The following TMEM132C variants were observed in gnomAD, a reference collection of about 807,000 sequenced individuals.
TMEM132C encodes protein phosphatase 1, regulatory subunit 152.
TMEM132C carries 29 observed loss-of-function variants against 61.4 expected under a neutral mutation model. That is an observed-to-expected ratio of 0.47 (90% CI 0.35 to 0.64). The LOEUF (loss-of-function observed/expected upper bound fraction) is 0.64. Ranked by LOEUF, TMEM132C falls within the 30% of genes least tolerant of loss-of-function variation. The probability of loss-of-function intolerance (pLI) is 0.00; values close to 1 mark genes in which losing one functional copy is unlikely to be tolerated. For missense variants in TMEM132C, 1,408 were observed against 1,476.9 expected (o/e 0.95, Z 0.76); for synonymous variants, 656 against 633.1 (o/e 1.04, Z -0.54).
intron 2 of TMEM132C, among the ~76,000 whole-genome samples, chr12:128,504,674 C>T (rs761468559): frequency 8.6e-5 from 13 of 152,032 alleles, no homozygotes; most frequent in Middle Eastern, 3.4e-3. Flanking sequence ...GGCATCTCTC[C>T]CTCTTCTAAT....
chr12:128,272,584 G>A (rs904389166), intron 1 of TMEM132C, among the ~76,000 whole-genome samples: 1 of 152,094 alleles, frequency 6.6e-6, no homozygotes, highest in Non-Finnish European at 1.5e-5. Flanking sequence ...ATAAAATACT[G>A]CAAACTCTTT....
chr12:128,545,788 A>G (rs7301968), intron 3 of TMEM132C, among the ~76,000 whole-genome samples: 86,064 of 152,062 alleles, frequency 0.57, 24,928 homozygotes, highest in Middle Eastern at 0.65. Flanking sequence ...GCAGCAATAA[A>G]CCACCTTCCA....
At chr12:128,270,799 C>G (rs1870485994) in intron 1 of TMEM132C, among the ~76,000 whole-genome samples, 1 of 152,202 alleles carries the variant, frequency 6.6e-6, no homozygotes, top group African/African-American at 2.4e-5. Context: ...ATTGCAACTT[C>G]TTGGAAATCA....
Position 128,415,140 on chromosome 12 carries a change from A to T in TMEM132C, c.494A>T (p.Glu165Val). The T allele has an allele frequency of 6.2e-7, 1 of 1,610,468 alleles. No homozygotes were observed. Among genetic ancestry groups the T allele is most frequent in the Non-Finnish European group, 8.5e-7 (1 of 1,178,356 alleles). ...GACTGGGATGACCACGGCGCCGGGG[A>T]GAAGCTGCCATGCCTGAGGGTCTTT... is the stretch of plus-strand genomic sequence containing the variant. Reference protein sequence around the residue: ...GRDWDDHGAGEKLPCLRVFAF... With the variant: ...GRDWDDHGAGVKLPCLRVFAF... The change falls in exon 2 of 9, where the codon GAG becomes GTG. Residue 165 changes from glutamate (E) to valine (V), a missense_variant. By Grantham distance (121) the Glu-to-Val change is moderately radical. Transcript: ENST00000435159. The surrounding 1 kb of genome is among the most constrained non-coding windows in gnomAD (Gnocchi z 5.8).
intron 3 of TMEM132C, among the ~76,000 whole-genome samples, chr12:128,614,688 A>T (rs1363212210): frequency 6.6e-6 from 1 of 152,258 alleles, no homozygotes; most frequent in Non-Finnish European, 1.5e-5. Context: ...CCCAAAATAC[A>T]TATATCTCAA....
chr12:128,665,612 C>G (rs1177617615), intron 4 of TMEM132C, among the ~76,000 whole-genome samples: 2 of 131,684 alleles, frequency 1.5e-5, no homozygotes, highest in Non-Finnish European at 3.1e-5. Context: ...CACACATACC[C>G]AAACACAGGC....
intron 1 of TMEM132C, among the ~76,000 whole-genome samples, chr12:128,349,934 C>G (rs1180788245): frequency 1.3e-5 from 2 of 152,092 alleles, no homozygotes; most frequent in Non-Finnish European, 2.9e-5. Flanking sequence ...CACACACACA[C>G]ACACACACGT....
chr12:128,420,048 T>C (rs908310598), intron 2 of TMEM132C, among the ~76,000 whole-genome samples: 3 of 147,642 alleles, frequency 2.0e-5, no homozygotes, highest in African/African-American at 7.9e-5. Flanking sequence ...AAAAAAAAAA[T>C]AGCTGGGCAT....
At chr12:128,322,715 G>A (rs1057344807) in intron 1 of TMEM132C, among the ~76,000 whole-genome samples, 1 of 152,146 alleles carries the variant, frequency 6.6e-6, no homozygotes, top group South Asian at 2.1e-4. Context: ...AGCATCTAGT[G>A]GGTGCTACTT....
intron 1 of TMEM132C, among the ~76,000 whole-genome samples, chr12:128,296,114 T>C (rs1871406870): frequency 6.6e-6 from 1 of 152,214 alleles, no homozygotes; most frequent in South Asian, 2.1e-4. Flanking sequence ...TATTTGTTGA[T>C]TTGAGATGCA....
At chr12:128,555,470 C>A (rs995297237) in intron 3 of TMEM132C, among the ~76,000 whole-genome samples, 6 of 152,140 alleles carry the variant, frequency 3.9e-5, no homozygotes, top group African/African-American at 1.4e-4. Context: ...CATTTTGGGT[C>A]CCCTCCTAAA....
intron 4 of TMEM132C, among the ~76,000 whole-genome samples, chr12:128,637,693 G>C (rs1017717545): frequency 6.6e-6 from 1 of 152,072 alleles, no homozygotes; most frequent in African/African-American, 2.4e-5. Context: ...CATTTTTAAG[G>C]CATCTCCCCC....
chr12:128,296,160 G>A (rs1871408297), intron 1 of TMEM132C, among the ~76,000 whole-genome samples: 1 of 152,300 alleles, frequency 6.6e-6, no homozygotes, highest in African/African-American at 2.4e-5. Context: ...CAGGAGACAG[G>A]ACTCAGGGCC....
intron 3 of TMEM132C, among the ~76,000 whole-genome samples, chr12:128,575,616 A>G (rs534131760): frequency 3.3e-5 from 5 of 152,386 alleles, no homozygotes; most frequent in African/African-American, 1.2e-4. Flanking sequence ...AGATAAATTT[A>G]TAAGTGGGTG....
Position 128,697,424 on chromosome 12 carries a change from C to T in TMEM132C, c.2121+9C>T. On this transcript the variant is annotated intron_variant, in intron 8 of 8. Coordinates refer to ENST00000435159, the MANE Select transcript of TMEM132C (RefSeq NM_001136103.3). ...TGCGGACCCCCAAACAGGTAGGGGG[C>T]CAAATGCCAGAGGTTCAGAGGGAGC... is the stretch of plus-strand genomic sequence containing the variant. 1 of 1,524,438 alleles carries T rather than the reference C, an allele frequency of 6.6e-7. No individual in the cohort carries two copies. The highest frequency in any genetic ancestry group is 8.9e-7 in the Non-Finnish European group (1 of 1,127,024). The allele number at this position is 1,524,438 out of a possible 1,614,324, so 94.4% of individuals were successfully genotyped here. A position where few individuals can be genotyped will look rare whatever the true frequency, so the allele number is the denominator to read the frequency against.
chr12:128,534,043 T>G (rs1278253598), intron 2 of TMEM132C, among the ~76,000 whole-genome samples: 1 of 151,674 alleles, frequency 6.6e-6, no homozygotes, highest in Non-Finnish European at 1.5e-5. Flanking sequence ...AGGAGAGAAT[T>G]TCATAAGAAG....
chr12:128,686,381 C>T (rs1954677185), intron 5 of TMEM132C, among the ~76,000 whole-genome samples: 1 of 152,152 alleles, frequency 6.6e-6, no homozygotes, highest in Non-Finnish European at 1.5e-5. Flanking sequence ...TGCTTAAGCC[C>T]ATTAGTTGGA....
At chr12:128,547,626 A>G (rs1427923875) in intron 3 of TMEM132C, among the ~76,000 whole-genome samples, 1 of 152,070 alleles carries the variant, frequency 6.6e-6, no homozygotes, top group Non-Finnish European at 1.5e-5. Flanking sequence ...TGAGTCACCA[A>G]TTTGAGATGT....
At chr12:128,270,918 T>A (rs1870489670) in intron 1 of TMEM132C, among the ~76,000 whole-genome samples, 1 of 152,146 alleles carries the variant, frequency 6.6e-6, no homozygotes, top group African/African-American at 2.4e-5. Flanking sequence ...AGTACTGTTT[T>A]ATCCATACAA....
Sources: gnomAD v4.1 joint callset for allele counts (sites outside exome capture counted in the v4.1 genomes callset) on GRCh38, gnomAD v4.1.1 for gene constraint, Gnocchi (gnomAD v3.1) non-coding constraint, MANE v1.5 for transcripts, NCBI Gene and HGNC (gene_info 2026-07-23, HGNC 2026-07-21) for gene names.